MCFD2: variants seen among roughly 807,000 people sequenced by gnomAD.
The protein encoded by MCFD2 is multiple coagulation factor deficiency protein 2.
Under a neutral mutation model 12.8 loss-of-function variants are expected in MCFD2, and 11 were observed. That is an observed-to-expected ratio of 0.86 (90% CI 0.54 to 1.42). The LOEUF (loss-of-function observed/expected upper bound fraction) is 1.42. Ranked by LOEUF, MCFD2 falls within the 40% of genes most tolerant of loss-of-function variation. MCFD2 has a pLI of 0.00. For synonymous variants in MCFD2, 70 were observed against 68.1 expected (o/e 1.03, Z -0.14); for missense variants, 191 against 178.6 (o/e 1.07, Z -0.40).
chr2:46,935,838 C>G (rs191785195), intron 1 of MCFD2, among the ~76,000 whole-genome samples: 4 of 152,214 alleles, frequency 2.6e-5, no homozygotes, highest in Admixed American at 2.6e-4. Flanking sequence ...ACCTATAATC[C>G]TAGAGACTAG....
At position 46,901,997 on chromosome 2, in the gene MCFD2, G is replaced by T. The variant is rs1289377027; in HGVS notation, c.*3466C>A. 1 of 152,608 alleles carries T rather than the reference G, an allele frequency of 6.6e-6. No homozygotes were observed. The highest frequency in any genetic ancestry group is 2.4e-5 in the African/African-American group (1 of 41,432). The allele number at this position is 152,608 out of a possible 1,614,324, so 9.5% of individuals were successfully genotyped here. A position where few individuals can be genotyped will look rare whatever the true frequency, so the allele number is the denominator to read the frequency against. On this transcript the variant is annotated 3_prime_UTR_variant, in exon 4 of 4. Coordinates refer to ENST00000319466, the MANE Select transcript of MCFD2 (RefSeq NM_139279.6). The surrounding 1 kb of genome is among the most constrained non-coding windows in gnomAD (Gnocchi z 4.3). ...CTGACTGCACAAATACTTGACACAG[G>T]AAACCATTTTTACAAATACATATGT... is the stretch of plus-strand genomic sequence containing the variant.
chr2:46,931,224 A>G (rs1166966770), intron 1 of MCFD2, among the ~76,000 whole-genome samples: 12 of 152,228 alleles, frequency 7.9e-5, no homozygotes, highest in Admixed American at 5.2e-4. Flanking sequence ...GATTATAGGC[A>G]TATACCATCA....
intron 1 of MCFD2, among the ~76,000 whole-genome samples, chr2:46,924,401 C>T (rs1669279911): frequency 6.6e-6 from 1 of 152,000 alleles, no homozygotes; most frequent in South Asian, 2.1e-4. Flanking sequence ...GAGCTTAGCT[C>T]TCCAATTAAC....
At chr2:46,935,184 C>G (rs932130703) in intron 1 of MCFD2, among the ~76,000 whole-genome samples, 26 of 152,102 alleles carry the variant, frequency 1.7e-4, no homozygotes, top group African/African-American at 6.3e-4. Context: ...AGGCTTGTCC[C>G]TGCTGGAAAA....
chr2:46,909,173 AATAT>A lies in MCFD2; in HGVS notation c.-6_-3del. ...TCTGAGCAGGGATCTCATGGTCATC[AATAT>A]CTGTGAGATGGGAAACACAGAAGAG... On this transcript the variant is annotated splice_region_variant and 5_prime_UTR_variant, in exon 2 of 4. Transcript: ENST00000319466. The A allele has an allele frequency of 1.9e-6, 3 of 1,613,452 alleles. No homozygotes were observed. Among genetic ancestry groups the A allele is most frequent in the Non-Finnish European group, 2.5e-6 (3 of 1,179,634 alleles).
chr2:46,930,615 T>C (rs1669646048), intron 1 of MCFD2, among the ~76,000 whole-genome samples: 1 of 151,478 alleles, frequency 6.6e-6, no homozygotes, highest in African/African-American at 2.4e-5. Context: ...TTCTCCTGCC[T>C]CAGCCTCCCA....
intron 3 of MCFD2, among the ~76,000 whole-genome samples, chr2:46,906,456 T>G (rs1668240807): frequency 6.6e-6 from 1 of 150,872 alleles, no homozygotes; most frequent in Non-Finnish European, 1.5e-5. Context: ...GGAATGACAT[T>G]AAATGTGGAG....
chr2:46,934,295 G>GTC, intron 1 of MCFD2, among the ~76,000 whole-genome samples: 1 of 152,320 alleles, frequency 6.6e-6, no homozygotes, highest in Non-Finnish European at 1.5e-5. Flanking sequence ...GTCTTGCTCT[G>GTC]TTGCTCAGGC....
intron 1 of MCFD2, among the ~76,000 whole-genome samples, chr2:46,924,908 T>A (rs77828921): frequency 0.012 from 1,795 of 152,358 alleles, 41 homozygotes; most frequent in African/African-American, 0.04. Context: ...ATTATGAGCG[T>A]GAGCCAGCCT....
At chr2:46,936,942 C>T (rs757542550) in intron 1 of MCFD2, among the ~76,000 whole-genome samples, 1 of 151,832 alleles carries the variant, frequency 6.6e-6, no homozygotes, top group Non-Finnish European at 1.5e-5. Flanking sequence ...GCAACCTCTG[C>T]CTCCTGGGCT....
intron 1 of MCFD2, among the ~76,000 whole-genome samples, chr2:46,928,788 G>A (rs1343512761): frequency 5.3e-5 from 8 of 151,716 alleles, no homozygotes; most frequent in African/African-American, 1.2e-4. Flanking sequence ...AAAGTCCCAC[G>A]TTTGAAATCA....
At chr2:46,917,275 G>C, upstream of MCFD2, 1 of 680,082 alleles carries the variant, frequency 1.5e-6, no homozygotes, top group Admixed American at 2.3e-5. Flanking sequence ...TGGGATTACA[G>C]GGGTGAGCCA....
intron 1 of MCFD2, among the ~76,000 whole-genome samples, chr2:46,911,407 C>A (rs532085033): frequency 8.0e-4 from 120 of 150,136 alleles, no homozygotes; most frequent in Non-Finnish European, 7.5e-4. Context: ...GGGTTACAGG[C>A]ATGAGCCACC....
chr2:46,916,287 G>T (rs1207563829), upstream of MCFD2: 2 of 594,866 alleles, frequency 3.4e-6, no homozygotes, highest in East Asian at 1.4e-4. Context: ...TGGACCCTAC[G>T]TTTCAAGATT....
intron 1 of MCFD2, among the ~76,000 whole-genome samples, chr2:46,928,310 A>C (rs760047058): frequency 6.6e-5 from 10 of 152,060 alleles, no homozygotes; most frequent in Non-Finnish European, 7.4e-5. Context: ...GTGAAAAAAC[A>C]TTACAAAAAA....
rs1329525149 is a variant in MCFD2 at position 46,907,605 on chromosome 2, C to CA, written c.309+204dup. 8.1e-6 allele frequency: 5 copies of CA among 614,650 alleles called. No individual in the cohort carries two copies. The highest frequency in any genetic ancestry group is 1.2e-5 in the Non-Finnish European group (4 of 344,034). 38.1% of individuals were successfully genotyped at this position (614,650 alleles called of 1,614,324 possible). A position where few individuals can be genotyped will look rare whatever the true frequency, so the allele number is the denominator to read the frequency against. ...TAGAGACAGGGTCTCACTATATTGC[C>CA]AAGGCTGGTCTTGAACTCCTGGCTC... is the stretch of plus-strand genomic sequence containing the variant. On this transcript the variant is annotated intron_variant, in intron 3 of 3. Coordinates refer to ENST00000319466, the MANE Select transcript of MCFD2 (RefSeq NM_139279.6). The surrounding 1 kb of genome is among the most constrained non-coding windows in gnomAD (Gnocchi z 4.1).
At chr2:46,930,002 C>G (rs1669606414) in intron 1 of MCFD2, among the ~76,000 whole-genome samples, 1 of 152,186 alleles carries the variant, frequency 6.6e-6, no homozygotes, top group South Asian at 2.1e-4. Context: ...CCCAGCCAAG[C>G]TGGGTGGAAT....
Position 46,908,052 on chromosome 2 carries a change from T to C in MCFD2, c.150-83A>G. On this transcript the variant is annotated intron_variant, in intron 2 of 3. Transcript: ENST00000319466. The surrounding 1 kb of genome is among the most constrained non-coding windows in gnomAD (Gnocchi z 4.5). ...CTTAAGGACTCTGAAAAGTTCAAGA[T>C]CTTAAACTTCCTCCAGCTCAGAAAA... 6.7e-7 allele frequency: 1 copy of C among 1,486,424 alleles called. No individual in the cohort carries two copies. The highest frequency in any genetic ancestry group is 9.3e-7 in the Non-Finnish European group (1 of 1,077,674). The allele number at this position is 1,486,424 out of a possible 1,614,324, so 92.1% of individuals were successfully genotyped here.
intron 1 of MCFD2, among the ~76,000 whole-genome samples, chr2:46,927,850 C>T (rs1023108360): frequency 1.3e-5 from 2 of 149,372 alleles, no homozygotes; most frequent in Non-Finnish European, 3.0e-5. Context: ...GATTTATCCA[C>T]CAGCAGAAAC....
Sources: allele counts gnomAD v4.1 joint callset (sites outside exome capture counted in the v4.1 genomes callset), GRCh38; gene constraint gnomAD v4.1.1; non-coding constraint Gnocchi (gnomAD v3.1); transcripts MANE v1.5; gene names NCBI Gene and HGNC (gene_info 2026-07-23, HGNC 2026-07-21).